SCAI: variants seen among roughly 807,000 people sequenced by gnomAD.
SCAI encodes the protein protein SCAI.
In SCAI, 24 loss-of-function variants were observed where a neutral mutation model predicts 92.2. That is an observed-to-expected ratio of 0.26 (90% confidence interval 0.19 to 0.37). The LOEUF (loss-of-function observed/expected upper bound fraction) is 0.37. Ranked by LOEUF, SCAI falls within the 10% of genes least tolerant of loss-of-function variation. The pLI, the probability that SCAI is intolerant of heterozygous loss-of-function variation, is 1.00. For missense variants in SCAI, 450 were observed against 736.2 expected, an observed-to-expected ratio of 0.61 and a Z score of 4.50; for synonymous variants, 261 against 258.6, an observed-to-expected ratio of 1.01 and a Z score of -0.09.
intron 2 of SCAI, among the ~76,000 whole-genome samples, chr9:125,107,207 G>A (rs184102626): frequency 9.9e-5 from 15 of 151,948 alleles, no homozygotes; most frequent in Admixed American, 5.2e-4. Flanking sequence ...TCAGGAGATC[G>A]AGACCATCCT....
intron 2 of SCAI, among the ~76,000 whole-genome samples, chr9:125,098,045 A>G (rs1834598808): frequency 6.6e-6 from 1 of 151,508 alleles, no homozygotes; most frequent in Non-Finnish European, 1.5e-5. Context: ...ACACATATAT[A>G]TATGTGTATA....
intron 1 of SCAI, 88 bp from the exon 2 acceptor site, chr9:125,142,765 G>T: frequency 8.8e-7 from 1 of 1,142,396 alleles, no homozygotes; most frequent in South Asian, 1.2e-5. Flanking sequence ...GAACTAAATA[G>T]ACCACCCTCT....
intron 6 of SCAI, among the ~76,000 whole-genome samples, chr9:125,026,072 A>G (rs1484321974): frequency 6.6e-6 from 1 of 152,214 alleles, no homozygotes; most frequent in African/African-American, 2.4e-5. Context: ...ATCTGGAAGT[A>G]ATCAAATCAC....
chr9:125,126,007 A>C (rs1319705559), intron 2 of SCAI, among the ~76,000 whole-genome samples: 6 of 151,922 alleles, frequency 3.9e-5, no homozygotes, highest in Admixed American at 1.3e-4. Context: ...TTAGCTGGAC[A>C]TTGAGCCCCT....
chr9:125,094,046 C>T (rs773754517), intron 2 of SCAI, among the ~76,000 whole-genome samples: 3 of 152,114 alleles, frequency 2.0e-5, no homozygotes, highest in Non-Finnish European at 4.4e-5. Context: ...TTCCCCTTCT[C>T]GGTTGGAGCA....
chr9:125,008,891 T>G (rs913627440), intron 9 of SCAI, among the ~76,000 whole-genome samples: 1 of 152,072 alleles, frequency 6.6e-6, no homozygotes, highest in Non-Finnish European at 1.5e-5. Context: ...AAACTGCACC[T>G]GAATATAACA....
At chr9:125,070,430 C>T (rs1433158771) in intron 2 of SCAI, among the ~76,000 whole-genome samples, 2 of 138,142 alleles carry the variant, frequency 1.4e-5, no homozygotes, top group African/African-American at 5.4e-5. Flanking sequence ...GACATAGTCT[C>T]GCCCTGTTGC....
intron 2 of SCAI, among the ~76,000 whole-genome samples, chr9:125,094,642 C>T (rs1161114238): frequency 2.0e-5 from 3 of 152,192 alleles, no homozygotes; most frequent in Non-Finnish European, 2.9e-5. Context: ...GCTGGGACTA[C>T]AGGCTCACAC....
chr9:125,010,753 C>A (rs1051303604), intron 9 of SCAI, among the ~76,000 whole-genome samples: 1 of 152,186 alleles, frequency 6.6e-6, no homozygotes, highest in Non-Finnish European at 1.5e-5. Flanking sequence ...TGACCCCGAC[C>A]CCTGAGCAGC....
rs991113755 is a variant in SCAI, at chr9:124,948,953, C to T, written c.*3854G>A. On this transcript the variant is annotated 3_prime_UTR_variant, in exon 18 of 18. Coordinates refer to ENST00000336505, the MANE Select transcript of SCAI (RefSeq NM_001144877.3). Reference sequence around the variant, plus strand: ...GTATGCATTTTTAAAAAATGAAATTCTTTGCCACTATCATCAGCTCAAGCC... The same window carrying T: ...GTATGCATTTTTAAAAAATGAAATTTTTTGCCACTATCATCAGCTCAAGCC... 3.9e-5 allele frequency: 6 copies of T among 152,146 alleles called. No individual in the cohort carries two copies. Among genetic ancestry groups the T allele is most frequent in the African/African-American group, 1.4e-4 (6 of 41,428 alleles). 9.4% of individuals were successfully genotyped at this position (152,146 alleles called of 1,614,324 possible).
intron 3 of SCAI, among the ~76,000 whole-genome samples, chr9:125,030,507 A>G (rs1683482496): frequency 6.6e-6 from 1 of 152,226 alleles, no homozygotes; most frequent in African/African-American, 2.4e-5. Flanking sequence ...GTAGGAAGGC[A>G]CTACAATTTG....
intron 2 of SCAI, among the ~76,000 whole-genome samples, chr9:125,074,714 T>TA (rs1052538260): frequency 6.6e-6 from 1 of 151,420 alleles, no homozygotes; most frequent in African/African-American, 2.4e-5. Context: ...ATTATTAATA[T>TA]AAAAAACTGG....
intron 14 of SCAI, among the ~76,000 whole-genome samples, chr9:124,979,499 C>T (rs1831834377): frequency 6.6e-6 from 1 of 151,850 alleles, no homozygotes; most frequent in Non-Finnish European, 1.5e-5. Flanking sequence ...AAGATCATGT[C>T]ACTGTACCCT....
intron 14 of SCAI, among the ~76,000 whole-genome samples, chr9:124,994,646 T>A (rs1355454598): frequency 6.6e-6 from 1 of 152,166 alleles, no homozygotes; most frequent in Non-Finnish European, 1.5e-5. Context: ...CTGGGTTATA[T>A]AACAAAAATA....
chr9:124,984,485 G>C (rs1831947843), intron 14 of SCAI, among the ~76,000 whole-genome samples: 1 of 152,154 alleles, frequency 6.6e-6, no homozygotes, highest in Non-Finnish European at 1.5e-5. Context: ...GGTGGTATGA[G>C]CCAGGATGAG....
intron 3 of SCAI, among the ~76,000 whole-genome samples, chr9:125,031,557 A>T (rs1029615442): frequency 1.2e-4 from 19 of 152,240 alleles, no homozygotes; most frequent in African/African-American, 4.3e-4. Context: ...CCACTTTTTT[A>T]AAAAAATAAA....
At chr9:125,081,343 A>G (rs1250512445) in intron 2 of SCAI, among the ~76,000 whole-genome samples, 2 of 152,210 alleles carry the variant, frequency 1.3e-5, no homozygotes, top group Non-Finnish European at 2.9e-5. Flanking sequence ...TGATATGGAC[A>G]ATAAAATCCA....
chr9:125,023,982 A>G (rs1195237110), intron 6 of SCAI, among the ~76,000 whole-genome samples: 1 of 152,086 alleles, frequency 6.6e-6, no homozygotes, highest in Non-Finnish European at 1.5e-5. Context: ...GCAAGGGTCC[A>G]CATCAAGCCC....
chr9:125,089,368 G>C (rs887334465), intron 2 of SCAI, among the ~76,000 whole-genome samples: 3 of 152,088 alleles, frequency 2.0e-5, no homozygotes, highest in Non-Finnish European at 4.4e-5. Flanking sequence ...AGCAGGAAAA[G>C]GTTATACAAT....
Sources: allele counts gnomAD v4.1 joint callset (sites outside exome capture counted in the v4.1 genomes callset), GRCh38; gene constraint gnomAD v4.1.1; transcripts MANE v1.5; gene names NCBI Gene and HGNC (gene_info 2026-07-23, HGNC 2026-07-21).